The following APELA variants were observed in gnomAD, a reference collection of about 807,000 sequenced individuals.
APELA encodes the protein apelin receptor early endogenous ligand, also known as protein Elabela.
At chr4:164,882,143 GCC>G (rs1220775247) in intron 2 of APELA, among the ~76,000 whole-genome samples, 3 of 150,910 alleles carry the variant, frequency 2.0e-5, no homozygotes, top group Non-Finnish European at 2.9e-5. Flanking sequence ...CACTCATGTT[GCC>G]CAGGCTGGAG....
intron 2 of APELA, among the ~76,000 whole-genome samples, chr4:164,889,241 T>A (rs1730836166): frequency 6.6e-6 from 1 of 152,162 alleles, no homozygotes; most frequent in Non-Finnish European, 1.5e-5. Flanking sequence ...TCACATTTCA[T>A]TTATGTCAAA....
intron 2 of APELA, among the ~76,000 whole-genome samples, chr4:164,886,408 T>A (rs1452671861): frequency 6.6e-6 from 1 of 152,128 alleles, no homozygotes; most frequent in Admixed American, 6.5e-5. Context: ...ACCCAGCACT[T>A]TGGGAGCCTG....
At chr4:164,890,263 C>T (rs34501470) in intron 2 of APELA, among the ~76,000 whole-genome samples, 21 of 152,092 alleles carry the variant, frequency 1.4e-4, no homozygotes, top group Admixed American at 2.0e-4. Flanking sequence ...TTTATACACC[C>T]GACAATTCAC....
chr4:164,889,384 A>G (rs1730838199), intron 2 of APELA, among the ~76,000 whole-genome samples: 1 of 152,126 alleles, frequency 6.6e-6, no homozygotes, highest in Non-Finnish European at 1.5e-5. Flanking sequence ...TATGAAATCC[A>G]TTTACTGCTT....
intron 2 of APELA, among the ~76,000 whole-genome samples, chr4:164,889,942 T>A (rs1448284908): frequency 6.6e-6 from 1 of 152,228 alleles, no homozygotes; most frequent in Non-Finnish European, 1.5e-5. Flanking sequence ...GTAATTTATA[T>A]GCAAATACTA....
intron 2 of APELA, among the ~76,000 whole-genome samples, chr4:164,886,100 T>A (rs1263497114): frequency 6.6e-6 from 1 of 152,206 alleles, no homozygotes; most frequent in Non-Finnish European, 1.5e-5. Flanking sequence ...TTCTTTAGAT[T>A]TTTATCAGTA....
downstream of APELA, chr4:164,898,829 A>G (rs989546413): frequency 6.6e-6 from 1 of 152,214 alleles, no homozygotes; most frequent in African/African-American, 2.4e-5. Context: ...CCCGTCCTGA[A>G]TCATTTTTAC....
At chr4:164,882,861 C>T (rs186723090) in intron 2 of APELA, among the ~76,000 whole-genome samples, 102 of 151,936 alleles carry the variant, frequency 6.7e-4, no homozygotes, top group Middle Eastern at 3.4e-3. Flanking sequence ...TTTGCCCTTG[C>T]GATAGTTTGC....
chr4:164,886,984 C>T (rs1234935680), intron 2 of APELA, among the ~76,000 whole-genome samples: 1 of 151,852 alleles, frequency 6.6e-6, no homozygotes, highest in Non-Finnish European at 1.5e-5. Flanking sequence ...TGCCACCAGG[C>T]CTGGCTAATT....
chr4:164,889,599 C>T (rs756615309), intron 2 of APELA, among the ~76,000 whole-genome samples: 7 of 152,004 alleles, frequency 4.6e-5, no homozygotes, highest in South Asian at 2.1e-4. Context: ...ATGTGTAGAA[C>T]GCACAGGTTT....
At position 164,877,309 on chromosome 4, in the gene APELA, C is replaced by T. The variant is rs1181007082; in HGVS notation, c.-23C>T. On this transcript the variant is annotated 5_prime_UTR_variant, in exon 1 of 3. Coordinates refer to ENST00000507152, the MANE Select transcript of APELA (RefSeq NM_001297550.2). ...GTTTGGTTTACATTGAGAGTCATTG[C>T]TCTACTTTTGTGCGGTAGGAAAATG... The T allele has an allele frequency of 2.5e-6, 1 of 398,860 alleles. No individual in the cohort carries two copies. The highest frequency in any genetic ancestry group is 2.1e-5 in the African/African-American group (1 of 48,628). 24.7% of individuals were successfully genotyped at this position (398,860 alleles called of 1,614,324 possible). A position where few individuals can be genotyped will look rare whatever the true frequency, so the allele number is the denominator to read the frequency against.
At position 164,897,295 on chromosome 4, in the gene APELA, C is replaced by T. The variant is rs1158195230; in HGVS notation, c.*1881C>T. ...TTCCACAAGTGCATTTGAGTAGAAG[C>T]ATAACCTATTCTCAGTTATATTTAT... On this transcript the variant is annotated 3_prime_UTR_variant, in exon 3 of 3. Transcript: ENST00000507152. The T allele has an allele frequency of 6.6e-6, 1 of 152,176 alleles. No homozygotes were observed. The highest frequency in any genetic ancestry group is 2.4e-5 in the African/African-American group (1 of 41,446). 9.4% of individuals were successfully genotyped at this position (152,176 alleles called of 1,614,324 possible).
chr4:164,886,324 C>T (rs1730769588), intron 2 of APELA, among the ~76,000 whole-genome samples: 1 of 152,144 alleles, frequency 6.6e-6, no homozygotes, highest in Admixed American at 6.6e-5. Context: ...CCTAATGTCC[C>T]TAATTTACTG....
At chr4:164,898,041 C>A (rs759150154), downstream of APELA, among the ~76,000 whole-genome samples, 13 of 152,054 alleles carry the variant, frequency 8.5e-5, no homozygotes, top group Admixed American at 6.5e-4. Flanking sequence ...CAGGCACCCA[C>A]CACCATGTCC....
At chr4:164,890,264 G>A (rs995901155) in intron 2 of APELA, among the ~76,000 whole-genome samples, 5 of 151,964 alleles carry the variant, frequency 3.3e-5, no homozygotes, top group Non-Finnish European at 4.4e-5. Context: ...TTATACACCC[G>A]ACAATTCACC....
intron 2 of APELA, among the ~76,000 whole-genome samples, chr4:164,882,251 GC>G (rs930661893): frequency 3.1e-4 from 47 of 152,082 alleles, no homozygotes; most frequent in Middle Eastern, 3.4e-3. Context: ...TTACAGGCAT[GC>G]ACCACCATAC....
chr4:164,879,184 T>G (rs752510671), intron 2 of APELA, 175 bp downstream of exon 2: 3 of 388,112 alleles, frequency 7.7e-6, no homozygotes, highest in Non-Finnish European at 1.4e-5. Context: ...CTTTTGAGAA[T>G]TGCTTTAATA....
chr4:164,884,677 C>T (rs1472454851), intron 2 of APELA, among the ~76,000 whole-genome samples: 4 of 152,100 alleles, frequency 2.6e-5, no homozygotes, highest in Admixed American at 2.6e-4. Flanking sequence ...TCTCTCTGAG[C>T]TTCCCTCCAC....
chr4:164,878,046 TAACC>T, intron 1 of APELA, among the ~76,000 whole-genome samples: 1 of 151,768 alleles, frequency 6.6e-6, no homozygotes, highest in East Asian at 1.9e-4. Context: ...ATATTGTACT[TAACC>T]AACAGAAATT....
Sources: allele counts gnomAD v4.1 joint callset (sites outside exome capture counted in the v4.1 genomes callset), GRCh38; gene constraint gnomAD v4.1.1; transcripts MANE v1.5; gene names NCBI Gene and HGNC (gene_info 2026-07-23, HGNC 2026-07-21).